SYNE2: variants seen among roughly 807,000 people sequenced by gnomAD.
The protein encoded by SYNE2 is nesprin-2.
In SYNE2, 431 loss-of-function variants were observed where a neutral mutation model predicts 856.3. That is an observed-to-expected ratio of 0.50 (90% confidence interval 0.47 to 0.55). The LOEUF (loss-of-function observed/expected upper bound fraction) is 0.55, where lower values mean the gene tolerates loss of function less well. Among genes scored for constraint, SYNE2 ranks in the 20% least tolerant of loss-of-function variants. SYNE2 has a pLI of 0.00. For missense variants in SYNE2, 8,129 were observed against 8,023.2 expected (o/e 1.01, Z -0.50); for synonymous variants, 2,923 against 2,872.3 (o/e 1.02, Z -0.56).
At position 64,152,686 on chromosome 14, in the gene SYNE2, A is replaced by G. The variant is rs1192448086; in HGVS notation, c.15762A>G (p.Leu5254=). The G allele has an allele frequency of 6.2e-7, 1 of 1,614,158 alleles. No individual in the cohort carries two copies. Among genetic ancestry groups the G allele is most frequent in the Non-Finnish European group, 8.5e-7 (1 of 1,180,010 alleles). Reference sequence around the variant, plus strand: ...ATACAGCATCCCGAATTGATGAGTTATTTCAAAAGAGAAGCAGTGTTCTCA... The same window carrying G: ...ATACAGCATCCCGAATTGATGAGTTGTTTCAAAAGAGAAGCAGTGTTCTCA... ...LEDTASRIDE[L]FQKRSSVLTQ... The change falls in exon 85 of 116, where the codon TTA becomes TTG. Residue 5254 remains leucine, a synonymous_variant. Coordinates refer to ENST00000555002, the MANE Select transcript of SYNE2 (RefSeq NM_182914.3).
intron 88 of SYNE2, chr14:64,162,602 T>C (rs1441425984): frequency 2.6e-6 from 1 of 389,448 alleles, no homozygotes; most frequent in African/African-American, 2.1e-5. Context: ...TGTGACCCTG[T>C]AAGAATAATA....
At chr14:64,222,164 A>G (rs540998035) in intron 112 of SYNE2, among the ~76,000 whole-genome samples, 1 of 151,798 alleles carries the variant, frequency 6.6e-6, no homozygotes, top group African/African-American at 2.4e-5. Flanking sequence ...CTGTATTCTC[A>G]CTGGTGCTCA....
At chr14:63,820,792 C>T (rs1279612512) in intron 1 of SYNE2, among the ~76,000 whole-genome samples, 1 of 150,968 alleles carries the variant, frequency 6.6e-6, no homozygotes, top group Non-Finnish European at 1.5e-5. Context: ...CTCTTTCACC[C>T]AGGCTGTAGT....
intron 94 of SYNE2, 135 bp downstream of exon 94, chr14:64,170,597 G>T (rs1360595776): frequency 1.1e-6 from 1 of 887,138 alleles, no homozygotes; most frequent in African/African-American, 1.6e-5. Flanking sequence ...CCAGCAAGGT[G>T]CAGTCACCAC....
At chr14:64,215,494 C>T in intron 107 of SYNE2, 140 bp downstream of exon 107, 2 of 860,222 alleles carry the variant, frequency 2.3e-6, no homozygotes, top group Non-Finnish European at 3.9e-6. Context: ...GGTGTATTTA[C>T]ACTGCCGTAC....
At chr14:64,171,118 C>T (rs1443868005) in intron 94 of SYNE2, among the ~76,000 whole-genome samples, 1 of 152,032 alleles carries the variant, frequency 6.6e-6, no homozygotes, top group African/African-American at 2.4e-5. Flanking sequence ...AATAAAGGGG[C>T]AAATTCATTC....
At chr14:64,180,238 T>C (rs1375552629) in intron 96 of SYNE2, among the ~76,000 whole-genome samples, 1 of 152,236 alleles carries the variant, frequency 6.6e-6, no homozygotes, top group African/African-American at 2.4e-5. Flanking sequence ...CTGCACTTTA[T>C]TGTAACACAT....
intron 1 of SYNE2, among the ~76,000 whole-genome samples, chr14:63,897,047 T>A (rs1286638975): frequency 6.6e-6 from 1 of 151,976 alleles, no homozygotes; most frequent in Non-Finnish European, 1.5e-5. Context: ...TCATCAGGAG[T>A]TTGAGACCAG....
intron 45 of SYNE2, among the ~76,000 whole-genome samples, chr14:64,032,528 C>T (rs2097048130): frequency 6.6e-6 from 1 of 152,130 alleles, no homozygotes; most frequent in Admixed American, 6.5e-5. Context: ...CACCACTGTA[C>T]TCCACCCTCG....
rs1427825456 is a variant in SYNE2 at position 64,225,315 on chromosome 14, G to C, written c.20517-4G>C. ...AATCAGCTCTCAACCTCCTCTGTTG[G>C]CAGGGTCCCCGGCAGCACACGGCCA... On this transcript the variant is annotated splice_polypyrimidine_tract_variant and splice_region_variant and intron_variant, in intron 115 of 115. Coordinates refer to ENST00000555002, the MANE Select transcript of SYNE2 (RefSeq NM_182914.3). 2 of 1,613,952 alleles carry C rather than the reference G, an allele frequency of 1.2e-6. No individual in the cohort carries two copies. Among genetic ancestry groups the C allele is most frequent in the African/African-American group, 2.7e-5 (2 of 74,896 alleles).
At chr14:63,974,884 GTGTGTGTGTATATA>G (rs1344592352) in intron 11 of SYNE2, among the ~76,000 whole-genome samples, 38 of 27,292 alleles carry the variant, frequency 1.4e-3, no homozygotes, top group African/African-American at 4.6e-3. Flanking sequence ...GTGTGTGTGT[GTGTGTGTGTATATA>G]TATATATATA....
chr14:64,162,564 T>C (rs1298674544), intron 88 of SYNE2: 3 of 447,450 alleles, frequency 6.7e-6, no homozygotes, highest in African/African-American at 6.0e-5. Flanking sequence ...ATATGAAATC[T>C]GAAGTAAAAG....
chr14:63,943,132 TGG>T (rs1049609363), intron 6 of SYNE2, among the ~76,000 whole-genome samples: 11 of 152,310 alleles, frequency 7.2e-5, no homozygotes, highest in African/African-American at 2.4e-4. Context: ...CTCCCCATTT[TGG>T]GGGACTCCTG....
upstream of SYNE2, among the ~76,000 whole-genome samples, chr14:63,849,869 G>A (rs1004968941): frequency 2.6e-5 from 4 of 152,074 alleles, no homozygotes; most frequent in Admixed American, 6.6e-5. Flanking sequence ...AAGTATATGC[G>A]GAATGTCTAC....
At chr14:63,975,618 G>T (rs544327178) in intron 11 of SYNE2, among the ~76,000 whole-genome samples, 1 of 152,300 alleles carries the variant, frequency 6.6e-6, no homozygotes, top group South Asian at 2.1e-4. Flanking sequence ...ATAGTTGTGA[G>T]CTACTGCACC....
rs373852012 is a variant in SYNE2 at position 63,963,883 on chromosome 14, T to C, written c.889-16T>C. On this transcript the variant is annotated splice_polypyrimidine_tract_variant and intron_variant, in intron 9 of 115. Coordinates refer to ENST00000555002, the MANE Select transcript of SYNE2 (RefSeq NM_182914.3). Reference sequence around the variant, plus strand: ...CCGTTTAAAATATAGTTTAATTTTGTGTGTGTAAAATACAGGGAAAGGTGA... The same window carrying C: ...CCGTTTAAAATATAGTTTAATTTTGCGTGTGTAAAATACAGGGAAAGGTGA... 1.3e-4 allele frequency: 203 copies of C among 1,583,452 alleles called. No homozygotes were observed. The African/African-American group carries it at 2.6e-3, about 20-fold the overall frequency.
rs757529826 is a variant in SYNE2 at position 64,051,553 on chromosome 14, C to A, written c.7644-4C>A. Reference sequence around the variant, plus strand: ...AACAAGCTCTATTTTTATTCTTTTTCTAGAGGACCACTGGACAGTGTAACG... The same window carrying A: ...AACAAGCTCTATTTTTATTCTTTTTATAGAGGACCACTGGACAGTGTAACG... On this transcript the variant is annotated splice_region_variant and splice_polypyrimidine_tract_variant and intron_variant, in intron 47 of 115. Transcript: ENST00000555002. 1 of 1,606,670 alleles carries A rather than the reference C, an allele frequency of 6.2e-7. No homozygotes were observed. The highest frequency in any genetic ancestry group is 2.2e-5 in the East Asian group (1 of 44,812).
At chr14:63,928,195 G>A (rs1182806695) in intron 2 of SYNE2, among the ~76,000 whole-genome samples, 2 of 152,180 alleles carry the variant, frequency 1.3e-5, no homozygotes, top group African/African-American at 4.8e-5. Flanking sequence ...GGTTGGGGGT[G>A]TCCAACCCAT....
chr14:64,209,296 C>T lies in SYNE2; in HGVS notation c.18390-132C>T, dbSNP rs186690025. 32 of 1,419,846 alleles carry T rather than the reference C, an allele frequency of 2.3e-5. No individual in the cohort carries two copies. In the African/African-American group the frequency reaches 3.7e-4, roughly 16 times the overall value. The allele number at this position is 1,419,846 out of a possible 1,614,324, so 88.0% of individuals were successfully genotyped here. On this transcript the variant is annotated intron_variant, in intron 101 of 115. Coordinates refer to ENST00000555002, the MANE Select transcript of SYNE2 (RefSeq NM_182914.3). ...CAGGAGGAGCACAGACAAGAAGTGG[C>T]GTCCCTCTTATTTCCCAGAAGGGGT...
Sources: allele counts gnomAD v4.1 joint callset (sites outside exome capture counted in the v4.1 genomes callset), GRCh38; gene constraint gnomAD v4.1.1; transcripts MANE v1.5; gene names NCBI Gene and HGNC (gene_info 2026-07-23, HGNC 2026-07-21).